The following RNF180 variants were observed in gnomAD, a reference collection of about 807,000 sequenced individuals.
RNF180 encodes the protein E3 ubiquitin-protein ligase RNF180.
In RNF180, 38 loss-of-function variants were observed where a neutral mutation model predicts 59.2. The observed-to-expected ratio is 0.64, with a 90% CI of 0.50 to 0.84. The LOEUF (loss-of-function observed/expected upper bound fraction) is 0.84. Ranked by LOEUF, RNF180 falls within the 40% of genes least tolerant of loss-of-function variation. The pLI, the probability that RNF180 is intolerant of heterozygous loss-of-function variation, is 0.00. For synonymous variants in RNF180, 262 were observed against 240.3 expected, an observed-to-expected ratio of 1.09 and a Z score of -0.84; for missense variants, 705 against 700.9, an observed-to-expected ratio of 1.01 and a Z score of -0.07.
intron 5 of RNF180, among the ~76,000 whole-genome samples, chr5:64,228,525 A>G (rs1264881453): frequency 1.3e-5 from 2 of 152,212 alleles, no homozygotes; most frequent in Admixed American, 6.5e-5. Context: ...AAAATAAAAT[A>G]AAATGCCAAA....
At chr5:64,278,837 C>T (rs1741858110) in intron 5 of RNF180, among the ~76,000 whole-genome samples, 1 of 152,072 alleles carries the variant, frequency 6.6e-6, no homozygotes, top group Admixed American at 6.6e-5. Flanking sequence ...CTAGGCTGGT[C>T]TCAAACTCCT....
chr5:64,252,048 TA>T (rs1261465221), intron 5 of RNF180, among the ~76,000 whole-genome samples: 6 of 152,260 alleles, frequency 3.9e-5, no homozygotes, highest in African/African-American at 1.4e-4. Context: ...AAATCCCTAA[TA>T]TTTATATGAA....
chr5:64,351,948 A>G lies in RNF180; in HGVS notation c.1580-17667A>G, dbSNP rs182771193. Among the ~76,000 whole-genome samples, 401 of 152,032 alleles carry G rather than the reference A, an allele frequency of 2.6e-3. 4 individuals are homozygous for G. The highest frequency in any genetic ancestry group is 0.01 in the Middle Eastern group (3 of 294). ...AGTTAGGAGGATTCCCTCTTTTTCT[A>G]TTGATTGGAATAGTTTCAGAAGGAA... On this transcript the variant is annotated intron_variant, in intron 7 of 7. Coordinates refer to ENST00000389100, the MANE Select transcript of RNF180 (RefSeq NM_001113561.2).
At chr5:64,364,501 G>A (rs547383232) in intron 7 of RNF180, among the ~76,000 whole-genome samples, 8 of 151,696 alleles carry the variant, frequency 5.3e-5, no homozygotes, top group South Asian at 4.2e-4. Context: ...TTTTTGCATC[G>A]ATGTTTGTCA....
chr5:64,348,801 G>C (rs1362856714), intron 7 of RNF180, among the ~76,000 whole-genome samples: 1 of 151,968 alleles, frequency 6.6e-6, no homozygotes, highest in Non-Finnish European at 1.5e-5. Flanking sequence ...TTCTCTAAAT[G>C]ACTATTTATA....
At chr5:64,329,501 A>G (rs1212606141) in intron 6 of RNF180, among the ~76,000 whole-genome samples, 2 of 134,016 alleles carry the variant, frequency 1.5e-5, no homozygotes, top group East Asian at 4.2e-4. Context: ...TTCTTCGCCC[A>G]GGCTGGAGTG....
At chr5:64,364,107 G>A (rs1280438538) in intron 7 of RNF180, among the ~76,000 whole-genome samples, 1 of 151,676 alleles carries the variant, frequency 6.6e-6, no homozygotes, top group African/African-American at 2.4e-5. Flanking sequence ...CTCTGTCCAG[G>A]ACTTCCAATG....
chr5:64,248,214 T>C (rs1743312160), intron 5 of RNF180, among the ~76,000 whole-genome samples: 1 of 152,072 alleles, frequency 6.6e-6, no homozygotes, highest in Admixed American at 6.6e-5. Flanking sequence ...ACTTCATGAC[T>C]AAAACACCAA....
rs189493675 is a variant in RNF180 at position 64,371,695 on chromosome 5, C to T, written c.*1881C>T. 488 of 151,400 alleles carry T rather than the reference C, an allele frequency of 3.2e-3. 1 individual carries two copies. Among genetic ancestry groups the T allele is most frequent in the African/African-American group, 0.012 (480 of 41,404 alleles). 9.4% of individuals were successfully genotyped at this position (151,400 alleles called of 1,614,324 possible). A position where few individuals can be genotyped will look rare whatever the true frequency, so the allele number is the denominator to read the frequency against. On this transcript the variant is annotated 3_prime_UTR_variant, in exon 8 of 8. Coordinates refer to ENST00000389100, the MANE Select transcript of RNF180 (RefSeq NM_001113561.2). ...AATGGATTGAGTATATTTATCTTGA[C>T]TAATAACTTGATCTGAAAATTATAG...
intron 7 of RNF180, among the ~76,000 whole-genome samples, chr5:64,344,278 A>G (rs1745467856): frequency 6.6e-6 from 1 of 152,040 alleles, no homozygotes; most frequent in African/African-American, 2.4e-5. Context: ...AGTAATCAAA[A>G]GAAAGCAGCT....
intron 5 of RNF180, among the ~76,000 whole-genome samples, chr5:64,248,824 A>G (rs552660576): frequency 6.6e-6 from 1 of 152,344 alleles, no homozygotes; most frequent in East Asian, 1.9e-4. Context: ...TTGCAGCACT[A>G]TTCACTATAG....
intron 5 of RNF180, among the ~76,000 whole-genome samples, chr5:64,279,393 C>CT (rs1258481200): frequency 6.6e-6 from 1 of 152,080 alleles, no homozygotes; most frequent in African/African-American, 2.4e-5. Context: ...AAAGAAGTGA[C>CT]TATGGCTAGA....
intron 7 of RNF180, among the ~76,000 whole-genome samples, chr5:64,351,631 C>A (rs1245370899): frequency 6.6e-6 from 1 of 151,692 alleles, no homozygotes; most frequent in Admixed American, 6.6e-5. Context: ...TGAATTTTGT[C>A]AAAGGCCTTT....
chr5:64,245,515 CAAAG>C (rs1164869008), intron 5 of RNF180, among the ~76,000 whole-genome samples: 8 of 152,094 alleles, frequency 5.3e-5, no homozygotes, highest in South Asian at 2.1e-4. Flanking sequence ...TCAAAAAAGA[CAAAG>C]AAGGGCATTA....
At chr5:64,248,090 C>G (rs569865111) in intron 5 of RNF180, among the ~76,000 whole-genome samples, 1 of 152,292 alleles carries the variant, frequency 6.6e-6, no homozygotes, top group East Asian at 1.9e-4. Context: ...ATCCTTACAC[C>G]TTATACAAAA....
chr5:64,199,537 A>T (rs1751625540), intron 1 of RNF180, among the ~76,000 whole-genome samples: 1 of 152,084 alleles, frequency 6.6e-6, no homozygotes, highest in Admixed American at 6.6e-5. Flanking sequence ...CAGTTGAAAA[A>T]CTGTTGATCT....
chr5:64,329,618 C>G (rs1277437945), intron 6 of RNF180, among the ~76,000 whole-genome samples: 1 of 151,910 alleles, frequency 6.6e-6, no homozygotes, highest in Non-Finnish European at 1.5e-5. Flanking sequence ...CCACCATGCC[C>G]AGCTAATTTT....
intron 7 of RNF180, 82 bp downstream of exon 7, chr5:64,330,488 A>C (rs772958079): frequency 2.4e-4 from 304 of 1,249,226 alleles, no homozygotes; most frequent in Middle Eastern, 1.3e-3. Flanking sequence ...GCTGTCTCAG[A>C]AATATTAGGG....
At chr5:64,203,725 A>G (rs1356001507) in intron 2 of RNF180, among the ~76,000 whole-genome samples, 2 of 152,154 alleles carry the variant, frequency 1.3e-5, no homozygotes, top group Non-Finnish European at 2.9e-5. Flanking sequence ...AAGTCTTAGC[A>G]GAAGGAGTAA....
Sources: gnomAD v4.1 joint callset for allele counts (sites outside exome capture counted in the v4.1 genomes callset) on GRCh38, gnomAD v4.1.1 for gene constraint, MANE v1.5 for transcripts, NCBI Gene and HGNC (gene_info 2026-07-23, HGNC 2026-07-21) for gene names.